ZPLD1: variants seen among roughly 807,000 people sequenced by gnomAD.
ZPLD1 encodes zona pellucida-like domain-containing protein 1.
ZPLD1 carries 34 observed loss-of-function variants against 47.2 expected under a neutral mutation model. That is an observed-to-expected ratio of 0.72 (90% CI 0.55 to 0.96). The LOEUF (loss-of-function observed/expected upper bound fraction) is 0.96, where lower values mean the gene tolerates loss of function less well. Among genes scored for constraint, ZPLD1 ranks in the 40% least tolerant of loss-of-function variants. The pLI, the probability that ZPLD1 is intolerant of heterozygous loss-of-function variation, is 0.00. For synonymous variants in ZPLD1, 176 were observed against 186.2 expected, an observed-to-expected ratio of 0.95 and a Z score of 0.45; for missense variants, 512 against 505.8, an observed-to-expected ratio of 1.01 and a Z score of -0.12.
chr3:102,397,482 C>T (rs561268780), intron 7 of ZPLD1, among the ~76,000 whole-genome samples: 3 of 152,130 alleles, frequency 2.0e-5, no homozygotes, highest in South Asian at 2.1e-4. Flanking sequence ...AGTACTGCCC[C>T]GCTGCTCAAA....
At position 102,413,198 on chromosome 3, in the gene ZPLD1, T is replaced by C. The variant is rs549445742; in HGVS notation, c.-156-4862T>C. ...TTAAATGTCATTCTACAGTTCACAC[T>C]AAGTCATAAAATTTTTAAAAAGACT... is the stretch of plus-strand genomic sequence containing the variant. On this transcript the variant is annotated intron_variant, in intron 7 of 17. Transcript: ENST00000491959. 1.5e-3 allele frequency among the ~76,000 whole-genome samples: 226 copies of C among 151,922 alleles called. 1 individual carries two copies. Among genetic ancestry groups the C allele is most frequent in the Middle Eastern group, 6.8e-3 (2 of 294 alleles).
intron 5 of ZPLD1, 138 bp downstream of exon 5, chr3:102,456,512 T>A: frequency 1.4e-6 from 1 of 716,668 alleles, no homozygotes; most frequent in Non-Finnish European, 2.4e-6. Flanking sequence ...ACATATTATG[T>A]CTAATATATT....
chr3:102,426,817 A>AT (rs1706954196), intron 8 of ZPLD1, among the ~76,000 whole-genome samples: 1 of 152,164 alleles, frequency 6.6e-6, no homozygotes, highest in Non-Finnish European at 1.5e-5. Context: ...AAAGTATCAT[A>AT]TTTTGTGGAT....
At chr3:102,475,911 A>G (rs1201030903) in intron 10 of ZPLD1, among the ~76,000 whole-genome samples, 1 of 152,158 alleles carries the variant, frequency 6.6e-6, no homozygotes, top group Non-Finnish European at 1.5e-5. Context: ...AGAGATTCAT[A>G]GCTTGAGATA....
chr3:102,385,246 T>C (rs1706412608), exon 6 of ZPLD1: 1 of 152,282 alleles, frequency 6.6e-6, no homozygotes, highest in Admixed American at 6.5e-5. Flanking sequence ...GCTCCGTCAA[T>C]GCTATTGCCA....
chr3:102,457,927 A>G (rs1707444537), intron 6 of ZPLD1, 74 bp downstream of exon 6: 6 of 1,445,200 alleles, frequency 4.2e-6, no homozygotes, highest in Non-Finnish European at 5.8e-6. Context: ...TGGCTTTTAT[A>G]TAAAAATCTA....
At chr3:102,458,180 A>G (rs1707448663) in intron 6 of ZPLD1, among the ~76,000 whole-genome samples, 1 of 152,190 alleles carries the variant, frequency 6.6e-6, no homozygotes, top group Admixed American at 6.5e-5. Context: ...GTTAGCTTCA[A>G]GATTTAGGAA....
chr3:102,385,331 C>A (rs1706413584), intron 6 of ZPLD1: 1 of 152,172 alleles, frequency 6.6e-6, no homozygotes, highest in African/African-American at 2.4e-5. Context: ...AGTGTGAAGA[C>A]TTTTGATTTT....
At chr3:102,442,878 CT>C (rs1707202829) in intron 3 of ZPLD1, among the ~76,000 whole-genome samples, 1 of 152,062 alleles carries the variant, frequency 6.6e-6, no homozygotes, top group Non-Finnish European at 1.5e-5. Context: ...GTGGTTAACT[CT>C]TGGTTATCCA....
In ZPLD1 at chr3:102,477,614, A is replaced by C. The variant is rs1420857569; in HGVS notation, c.1244A>C (p.Asp415Ala). Reference protein sequence around the residue: ...VLNGIRNPVFD With the variant: ...VLNGIRNPVFA The stretch of plus-strand genomic sequence containing the variant: ...AATGGCATAAGAAACCCAGTCTTTG[A>C]CTGACTATAACAGATTCCTGCTCTC... Residue 415 changes from aspartate to alanine, a missense_variant, in exon 12 of 12, where the codon GAC becomes GCC. By Grantham distance (126) the Asp-to-Ala change is moderately radical (BLOSUM62 -2). Transcript: ENST00000466937. The C allele has an allele frequency of 6.2e-7, 1 of 1,609,356 alleles. No individual in the cohort carries two copies. The highest frequency in any genetic ancestry group is 8.5e-7 in the Non-Finnish European group (1 of 1,178,276).
At chr3:102,441,273 T>C (rs926662040) in intron 3 of ZPLD1, among the ~76,000 whole-genome samples, 5 of 152,194 alleles carry the variant, frequency 3.3e-5, no homozygotes, top group African/African-American at 1.2e-4. Context: ...ATTTATCATA[T>C]GGTGAATTTT....
chr3:102,441,258 G>A (rs926037648), intron 3 of ZPLD1, among the ~76,000 whole-genome samples: 4 of 152,136 alleles, frequency 2.6e-5, no homozygotes, highest in Admixed American at 6.5e-5. Flanking sequence ...ACAGGAAAAC[G>A]AAGTATTTAT....
chr3:102,386,081 C>T (rs529044254), intron 6 of ZPLD1, among the ~76,000 whole-genome samples: 2 of 152,222 alleles, frequency 1.3e-5, no homozygotes, highest in African/African-American at 4.8e-5. Context: ...TCATTTTCTC[C>T]ACTCCTTGAC....
At chr3:102,416,166 G>A (rs1706802214) in intron 7 of ZPLD1, among the ~76,000 whole-genome samples, 1 of 151,878 alleles carries the variant, frequency 6.6e-6, no homozygotes, top group Admixed American at 6.6e-5. Context: ...TTTGTGGGAT[G>A]TATGACATTG....
chr3:102,469,404 A>T (rs1234174611), intron 9 of ZPLD1, among the ~76,000 whole-genome samples: 1 of 152,242 alleles, frequency 6.6e-6, no homozygotes, highest in Non-Finnish European at 1.5e-5. Context: ...AGAAGAAATC[A>T]AGACAAAAAT....
At chr3:102,407,367 G>A in intron 7 of ZPLD1, among the ~76,000 whole-genome samples, 1 of 89,968 alleles carries the variant, frequency 1.1e-5, no homozygotes. Context: ...TTTATTTCAG[G>A]TATTTATAGA....
Position 102,435,048 on chromosome 3 carries a change from C to CGAATTG in ZPLD1, c.-229_-228insGAATTG. 1.9e-6 allele frequency: 3 copies of CGAATTG among 1,561,166 alleles called. No homozygotes were observed. Among genetic ancestry groups the CGAATTG allele is most frequent in the Non-Finnish European group, 2.6e-6 (3 of 1,132,202 alleles). On this transcript the variant is annotated 5_prime_UTR_variant, in exon 1 of 12. Transcript: ENST00000466937. The stretch of plus-strand genomic sequence containing the variant: ...GTTAACATAATCCCCCAATCCCATA[C>CGAATTG]AATTCAATTTCAGAAAAGTATTTAG...
At chr3:102,471,087 C>A (rs1207532606) in intron 10 of ZPLD1, among the ~76,000 whole-genome samples, 3 of 152,158 alleles carry the variant, frequency 2.0e-5, no homozygotes, top group African/African-American at 7.2e-5. Context: ...ACGTGTGTAT[C>A]CGCTTGGATA....
At chr3:102,445,382 C>A (rs1707241633) in intron 3 of ZPLD1, among the ~76,000 whole-genome samples, 1 of 152,188 alleles carries the variant, frequency 6.6e-6, no homozygotes, top group South Asian at 2.1e-4. Flanking sequence ...CCTCCCGTCC[C>A]TTTTACAACC....
Sources: gnomAD v4.1 joint callset for allele counts (sites outside exome capture counted in the v4.1 genomes callset) on GRCh38, gnomAD v4.1.1 for gene constraint, MANE v1.5 for transcripts, NCBI Gene and HGNC (gene_info 2026-07-23, HGNC 2026-07-21) for gene names.